The following OGT variants were observed in gnomAD, a reference collection of about 807,000 sequenced individuals.
OGT encodes O-linked N-acetylglucosamine (GlcNAc) transferase.
A neutral mutation model predicts 75.8 loss-of-function variants in OGT; 3 were observed. That is an observed-to-expected ratio of 0.04 (90% CI 0.02 to 0.10). The LOEUF is 0.10. Among genes scored for constraint, OGT ranks in the 10% least tolerant of loss-of-function variants. OGT has a pLI of 1.00. For synonymous variants in OGT, 257 were observed against 289.7 expected (o/e 0.89, Z 1.15); for missense variants, 260 against 824.4 (o/e 0.32, Z 8.38).
chrX:71,553,471 G>GT (rs1220210731), intron 5 of OGT: 10 of 107,666 alleles, frequency 9.3e-5, no homozygotes, highest in South Asian at 4.0e-4. Context: ...CGGTGTGTGT[G>GT]TTTTTTTTTG....
At chrX:71,559,846 C>T (rs905051277) in intron 14 of OGT, among the ~76,000 whole-genome samples, 169 bp downstream of exon 14, 11 of 111,967 alleles carry the variant, frequency 9.8e-5, no homozygotes, top group Admixed American at 8.6e-4. Flanking sequence ...TGGCTTTTTC[C>T]GAGGTTGCAA....
intron 14 of OGT, among the ~76,000 whole-genome samples, chrX:71,560,532 C>T (rs867894392): frequency 3.8e-4 from 42 of 111,231 alleles, no homozygotes; most frequent in African/African-American, 1.4e-3. Flanking sequence ...TGTGTGTACA[C>T]ACATGTATGT....
chrX:71,569,945 A>G (rs1209384679), intron 21 of OGT, among the ~76,000 whole-genome samples: 2 of 105,017 alleles, frequency 1.9e-5, no homozygotes, highest in African/African-American at 3.5e-5. Context: ...CATGTTGGCC[A>G]GGCTGGTCTT....
At chrX:71,544,538 A>C (rs1256960697) in intron 3 of OGT, 29 bp from the exon 4 acceptor site, 2 of 1,176,618 alleles carry the variant, frequency 1.7e-6, no homozygotes, top group Non-Finnish European at 2.3e-6. Context: ...AGCAGAGTAT[A>C]ATTAATGACA....
chrX:71,557,137 A>C, intron 10 of OGT, 32 bp downstream of exon 10: 1 of 1,203,140 alleles, frequency 8.3e-7, no homozygotes, highest in Non-Finnish European at 1.1e-6. Flanking sequence ...TGTGCAGTTT[A>C]ACACCTAAAA....
chrX:71,543,921 G>C (rs962787347), intron 3 of OGT, among the ~76,000 whole-genome samples: 5 of 108,663 alleles, frequency 4.6e-5, no homozygotes, highest in Non-Finnish European at 9.6e-5. Flanking sequence ...CAAATAGCTG[G>C]GATTACAGGC....
Position 71,575,810 on chromosome X carries a change from CAAA to C in OGT, c.*2017_*2019del, listed in dbSNP as rs768573083. On this transcript the variant is annotated 3_prime_UTR_variant, in exon 22 of 22. Transcript: ENST00000373719. ...TTTTTTCTATTGTACTCTGCTTTAT[CAAA>C]GAAGTAAAACATTTAAATCGTACTA... 1 of 112,180 alleles carries C rather than the reference CAAA, an allele frequency of 8.9e-6. No homozygotes were observed. The highest frequency in any genetic ancestry group is 2.8e-4 in the East Asian group (1 of 3,599). The allele number at this position is 112,180 out of a possible 1,213,427, so 9.2% of individuals were successfully genotyped here.
chrX:71,575,179 C>T lies in OGT; in HGVS notation c.*1385C>T, dbSNP rs897900617. 5 of 112,103 alleles carry T rather than the reference C, an allele frequency of 4.5e-5. No individual in the cohort carries two copies. The highest frequency in any genetic ancestry group is 1.6e-4 in the African/African-American group (5 of 30,809). 9.2% of individuals were successfully genotyped at this position (112,103 alleles called of 1,213,427 possible). On this transcript the variant is annotated 3_prime_UTR_variant, in exon 22 of 22. Coordinates refer to ENST00000373719, the MANE Select transcript of OGT (RefSeq NM_181672.3). Reference sequence around the variant, plus strand: ...ATATATGTTTTGTCTCGCTATACTGCACTTACGCTATCCAGTTGCAGGTAA... The same window carrying T: ...ATATATGTTTTGTCTCGCTATACTGTACTTACGCTATCCAGTTGCAGGTAA...
chrX:71,560,193 C>T (rs766840400), intron 14 of OGT, among the ~76,000 whole-genome samples: 15 of 105,156 alleles, frequency 1.4e-4, no homozygotes, highest in Non-Finnish European at 2.5e-4. Context: ...GCAGGGGAAT[C>T]GCTTGAACCC....
chrX:71,563,292 T>G, intron 17 of OGT, 37 bp from the exon 18 acceptor site: 1 of 1,202,893 alleles, frequency 8.3e-7, no homozygotes, highest in Non-Finnish European at 1.1e-6. Context: ...TTAACTGCAT[T>G]CACGATCTTT....
intron 14 of OGT, among the ~76,000 whole-genome samples, chrX:71,561,261 C>A (rs1402141411): frequency 9.0e-6 from 1 of 110,679 alleles, no homozygotes; most frequent in African/African-American, 3.3e-5. Context: ...TCACACTTTA[C>A]TCTAGTTCTT....
chrX:71,554,547 A>T lies in OGT; in HGVS notation c.683A>T (p.Tyr228Phe). Residue 228 changes from tyrosine to phenylalanine, a missense_variant, in exon 6 of 22, where the codon TAT (tyrosine) becomes TTT (phenylalanine). Tyr to Phe is a conservative substitution (Grantham distance 22). Transcript: ENST00000373719. The stretch of plus-strand genomic sequence containing the variant: ...CTTGACCCAAACTTTCTGGATGCTT[A>T]TATCAATTTAGGAAATGTCTTGAAA... Reference protein sequence around the residue: ...VTLDPNFLDAYINLGNVLKEA... With the variant: ...VTLDPNFLDAFINLGNVLKEA... The T allele has an allele frequency of 1.7e-6, 2 of 1,210,048 alleles. No homozygotes were observed. Among genetic ancestry groups the T allele is most frequent in the Non-Finnish European group, 2.2e-6 (2 of 893,917 alleles).
intron 8 of OGT, chrX:71,556,442 TG>T (rs1167394061): frequency 2.8e-6 from 1 of 359,188 alleles, no homozygotes; most frequent in Non-Finnish European, 4.8e-6. Context: ...GAGATTTCAG[TG>T]GTGTTGGAGT....
Position 71,564,873 on chromosome X carries a change from T to G in OGT, c.2589+120T>G, listed in dbSNP as rs1280715462. ...GCTCATTTCTTTTTAAAATTTTTTT[T>G]TGGCTGGGTGCAGTGGCTCACGCCT... On this transcript the variant is annotated intron_variant, in intron 19 of 21. Transcript: ENST00000373719. 6 of 557,040 alleles carry G rather than the reference T, an allele frequency of 1.1e-5. No individual in the cohort carries two copies. The East Asian group carries it at 1.9e-4, about 18-fold the overall frequency. The allele number at this position is 557,040 out of a possible 1,213,427, so 45.9% of individuals were successfully genotyped here.
At chrX:71,561,703 T>C in intron 14 of OGT, 72 bp from the exon 15 acceptor site, 1 of 920,533 alleles carries the variant, frequency 1.1e-6, no homozygotes. Flanking sequence ...CTAAATGCCA[T>C]TAAAACTAAA....
intron 7 of OGT, 92 bp from the exon 8 acceptor site, chrX:71,555,862 G>A (rs964486778): frequency 3.9e-6 from 4 of 1,023,162 alleles, no homozygotes; most frequent in Non-Finnish European, 5.3e-6. Context: ...AGCATTACCA[G>A]CCATTAGGCT....
intron 3 of OGT, among the ~76,000 whole-genome samples, chrX:71,541,056 G>A (rs753722863): frequency 3.4e-4 from 38 of 111,925 alleles, no homozygotes; most frequent in African/African-American, 1.2e-3. Context: ...CACTAGAGTT[G>A]CCTATACCTG....
intron 1 of OGT, among the ~76,000 whole-genome samples, 187 bp from the exon 2 acceptor site, chrX:71,535,991 A>G (rs1248121913): frequency 8.9e-6 from 1 of 112,489 alleles, no homozygotes; most frequent in Non-Finnish European, 1.9e-5. Flanking sequence ...AATTCTAAAA[A>G]TGCCAATTCT....
In OGT at chrX:71,533,349, C is replaced by T; in HGVS notation, c.37+13C>T. ...GCCGACAGCACAGGTACCGGTGTCC[C>T]GTTCTACCTTGGCAGATGCCCCCTT... is the stretch of plus-strand genomic sequence containing the variant. On this transcript the variant is annotated intron_variant, in intron 1 of 21. Transcript: ENST00000373719. 1 of 1,189,443 alleles carries T rather than the reference C, an allele frequency of 8.4e-7. No individual in the cohort carries two copies. The highest frequency in any genetic ancestry group is 1.1e-6 in the Non-Finnish European group (1 of 883,126).
Sources: allele counts gnomAD v4.1 joint callset (sites outside exome capture counted in the v4.1 genomes callset), GRCh38; gene constraint gnomAD v4.1.1; transcripts MANE v1.5; gene names NCBI Gene and HGNC (gene_info 2026-07-23, HGNC 2026-07-21).